FMN2: variants seen among roughly 807,000 people sequenced by gnomAD.
FMN2 encodes the protein formin-2.
A neutral mutation model predicts 142.3 loss-of-function variants in FMN2; 51 were observed. That is an observed-to-expected ratio of 0.36 (90% CI 0.29 to 0.45). FMN2 has a LOEUF of 0.45. Among genes scored for constraint, FMN2 ranks in the 20% least tolerant of loss-of-function variants. The pLI, the probability that FMN2 is intolerant of heterozygous loss-of-function variation, is 1.00. For missense variants in FMN2, 1,936 were observed against 2,122.8 expected, an observed-to-expected ratio of 0.91 and a Z score of 1.73; for synonymous variants, 882 against 869.8, an observed-to-expected ratio of 1.01 and a Z score of -0.25.
At chr1:240,104,577 CT>C (rs1661534214) in intron 1 of FMN2, among the ~76,000 whole-genome samples, 1 of 152,118 alleles carries the variant, frequency 6.6e-6, no homozygotes, top group Admixed American at 6.5e-5. Flanking sequence ...TTGAATTAGT[CT>C]GCATTTTTCT....
chr1:240,144,824 A>G, intron 2 of FMN2: 3 of 1,438,662 alleles, frequency 2.1e-6, no homozygotes, highest in Non-Finnish European at 9.8e-7. Flanking sequence ...CAGAGTGAGC[A>G]GTGGCTCCTG....
At chr1:240,432,589 A>T (rs973961110) in intron 15 of FMN2, among the ~76,000 whole-genome samples, 1 of 151,798 alleles carries the variant, frequency 6.6e-6, no homozygotes, top group Non-Finnish European at 1.5e-5. Context: ...TAAATAACTG[A>T]TTTTACACAT....
chr1:240,412,692 C>T (rs1674438446), intron 15 of FMN2, among the ~76,000 whole-genome samples: 1 of 152,046 alleles, frequency 6.6e-6, no homozygotes, highest in Non-Finnish European at 1.5e-5. Flanking sequence ...TTGGGAACAG[C>T]ACTGGAAGAC....
chr1:240,303,760 TTCTC>T (rs955841133), intron 8 of FMN2, among the ~76,000 whole-genome samples: 29 of 152,200 alleles, frequency 1.9e-4, no homozygotes, highest in African/African-American at 6.0e-4. Context: ...CTCTGTTCCT[TTCTC>T]TCTTTTTCTT....
At chr1:240,302,291 A>T (rs1296002129) in intron 8 of FMN2, among the ~76,000 whole-genome samples, 1 of 152,052 alleles carries the variant, frequency 6.6e-6, no homozygotes, top group Non-Finnish European at 1.5e-5. Flanking sequence ...GCACCTACAC[A>T]CATTTAAAAG....
chr1:240,128,184 T>C (rs1400081576), intron 2 of FMN2, among the ~76,000 whole-genome samples: 2 of 152,198 alleles, frequency 1.3e-5, no homozygotes, highest in Non-Finnish European at 2.9e-5. Context: ...TCATGGTATA[T>C]TTCAGTGGTC....
intron 7 of FMN2, among the ~76,000 whole-genome samples, chr1:240,261,721 T>G (rs1193192418): frequency 1.3e-5 from 2 of 152,084 alleles, no homozygotes; most frequent in South Asian, 4.1e-4. Context: ...AGAGGTCAGG[T>G]TCCTAAGTTT....
intron 2 of FMN2, among the ~76,000 whole-genome samples, chr1:240,137,273 C>T (rs1662983377): frequency 6.6e-6 from 1 of 151,678 alleles, no homozygotes; most frequent in Non-Finnish European, 1.5e-5. Flanking sequence ...TTGTCTAGAT[C>T]AGGGGTTGGC....
At chr1:240,286,687 T>C (rs1296274875) in intron 7 of FMN2, among the ~76,000 whole-genome samples, 1 of 151,202 alleles carries the variant, frequency 6.6e-6, no homozygotes, top group Admixed American at 6.6e-5. Context: ...ATCAAATGTG[T>C]GTACTTCCTG....
intron 7 of FMN2, among the ~76,000 whole-genome samples, chr1:240,290,793 G>GTTTT (rs761547443): frequency 1.2e-5 from 1 of 84,738 alleles, no homozygotes; most frequent in Non-Finnish European, 2.2e-5. Flanking sequence ...TTTTTTTTTT[G>GTTTT]TTTTTTTTTT....
chr1:240,417,844 G>T (rs1158480611), intron 15 of FMN2, among the ~76,000 whole-genome samples: 1 of 152,018 alleles, frequency 6.6e-6, no homozygotes, highest in Admixed American at 6.6e-5. Context: ...AGAATCTTCT[G>T]CTATAATTGT....
intron 2 of FMN2, among the ~76,000 whole-genome samples, chr1:240,156,579 T>C (rs1172524628): frequency 6.6e-6 from 1 of 152,184 alleles, no homozygotes; most frequent in Non-Finnish European, 1.5e-5. Flanking sequence ...ACTGTGCACT[T>C]GCTTCACAAG....
At chr1:240,419,948 C>T (rs1674709642) in intron 15 of FMN2, among the ~76,000 whole-genome samples, 1 of 152,172 alleles carries the variant, frequency 6.6e-6, no homozygotes. Flanking sequence ...CTATGCTCCA[C>T]TAACCATCTC....
At chr1:240,160,161 C>G (rs1664222874) in intron 2 of FMN2, among the ~76,000 whole-genome samples, 1 of 150,778 alleles carries the variant, frequency 6.6e-6, no homozygotes, top group Admixed American at 6.6e-5. Flanking sequence ...TTAGTATAAA[C>G]TCTTTCAGAA....
At chr1:240,188,175 G>C in intron 3 of FMN2, 32 bp from the exon 4 acceptor site, 1 of 1,608,412 alleles carries the variant, frequency 6.2e-7, no homozygotes, top group African/African-American at 1.3e-5. Flanking sequence ...TGTCCTTTAA[G>C]ATACTGACTG....
chr1:240,358,499 C>T (rs1672348780), intron 14 of FMN2, among the ~76,000 whole-genome samples: 1 of 152,158 alleles, frequency 6.6e-6, no homozygotes, highest in African/African-American at 2.4e-5. Context: ...TTGCCTGAGA[C>T]TGGGTAATTT....
At chr1:240,337,560 T>TA (rs1313312431) in intron 13 of FMN2, among the ~76,000 whole-genome samples, 1 of 152,194 alleles carries the variant, frequency 6.6e-6, no homozygotes, top group Non-Finnish European at 1.5e-5. Flanking sequence ...GAAAATAGGA[T>TA]AACGTATAGA....
At chr1:240,424,431 C>T (rs1006943285) in intron 15 of FMN2, among the ~76,000 whole-genome samples, 8 of 152,252 alleles carry the variant, frequency 5.3e-5, no homozygotes, top group African/African-American at 1.4e-4. Flanking sequence ...GGAAACCAGA[C>T]ATATTGACAT....
intron 15 of FMN2, among the ~76,000 whole-genome samples, chr1:240,394,468 T>C (rs1673706385): frequency 6.6e-6 from 1 of 152,138 alleles, no homozygotes; most frequent in Non-Finnish European, 1.5e-5. Flanking sequence ...TCATGAAGTT[T>C]AAGGTAAGAA....
Sources: gnomAD v4.1 joint callset for allele counts (sites outside exome capture counted in the v4.1 genomes callset) on GRCh38, gnomAD v4.1.1 for gene constraint, MANE v1.5 for transcripts, NCBI Gene and HGNC (gene_info 2026-07-23, HGNC 2026-07-21) for gene names.